LRRC31: variants seen among roughly 807,000 people sequenced by gnomAD.
LRRC31 encodes leucine rich repeat containing 31, also known as leucine-rich repeat-containing protein 31.
A neutral mutation model predicts 46.7 loss-of-function variants in LRRC31; 35 were observed. The observed-to-expected ratio is 0.75, with a 90% CI of 0.57 to 0.99. The LOEUF is 0.99. Ranked by LOEUF, LRRC31 falls within the 50% of genes least tolerant of loss-of-function variation. The pLI is 0.00. For missense variants in LRRC31, 613 were observed against 626.1 expected (o/e 0.98, Z 0.22); for synonymous variants, 236 against 235.1 (o/e 1.00, Z -0.03).
intron 2 of LRRC31, 96 bp downstream of exon 2, chr3:169,861,574 C>T: frequency 7.8e-7 from 1 of 1,282,706 alleles, no homozygotes; most frequent in South Asian, 1.4e-5. Context: ...ACTCAGCAGA[C>T]TTGGGGTTAC....
chr3:169,849,153 T>C, intron 7 of LRRC31, among the ~76,000 whole-genome samples: 1 of 152,220 alleles, frequency 6.6e-6, no homozygotes, highest in East Asian at 1.9e-4. Flanking sequence ...CCCAAGTTAA[T>C]TGCACTTTAA....
At chr3:169,864,273 C>A (rs1781261632) in intron 1 of LRRC31, among the ~76,000 whole-genome samples, 1 of 152,300 alleles carries the variant, frequency 6.6e-6, no homozygotes, top group Non-Finnish European at 1.5e-5. Context: ...CCTCTACCTT[C>A]TGGTTGCTAC....
intron 6 of LRRC31, among the ~76,000 whole-genome samples, chr3:169,853,948 C>T (rs941708422): frequency 3.3e-5 from 5 of 152,212 alleles, no homozygotes; most frequent in Admixed American, 1.3e-4. Flanking sequence ...AGATGCCAAA[C>T]GAGACACCTC....
At chr3:169,844,980 T>C (rs1162974327) in intron 8 of LRRC31, among the ~76,000 whole-genome samples, 2 of 150,718 alleles carry the variant, frequency 1.3e-5, no homozygotes, top group East Asian at 1.9e-4. Flanking sequence ...TCATAGATGA[T>C]ATGATTATCT....
intron 1 of LRRC31, among the ~76,000 whole-genome samples, chr3:169,867,152 G>A (rs1039696448): frequency 4.7e-5 from 7 of 148,534 alleles, no homozygotes; most frequent in Non-Finnish European, 7.4e-5. Context: ...TAAAATTCAA[G>A]CGATCCTCCC....
chr3:169,863,371 C>A (rs900188406), intron 1 of LRRC31, among the ~76,000 whole-genome samples: 3 of 152,074 alleles, frequency 2.0e-5, no homozygotes, highest in South Asian at 2.1e-4. Flanking sequence ...ATTTTATTAA[C>A]CCTGACAAAA....
chr3:169,856,641 C>T, intron 4 of LRRC31, 64 bp downstream of exon 4: 1 of 1,477,726 alleles, frequency 6.8e-7, no homozygotes, highest in Non-Finnish European at 9.0e-7. Flanking sequence ...CAAAACACAG[C>T]AAACTTCCCA....
chr3:169,852,660 G>T (rs1259229630), intron 6 of LRRC31, among the ~76,000 whole-genome samples: 1 of 152,132 alleles, frequency 6.6e-6, no homozygotes, highest in African/African-American at 2.4e-5. Context: ...AATTACCCTC[G>T]TTCGCTATCT....
intron 8 of LRRC31, 118 bp from the exon 9 acceptor site, chr3:169,840,431 G>T (rs1780413214): frequency 1.8e-6 from 2 of 1,092,180 alleles, no homozygotes; most frequent in Admixed American, 2.0e-5. Context: ...AATTAGTAAT[G>T]ATTTGTTATT....
chr3:169,845,679 A>T (rs1780583569), intron 8 of LRRC31, among the ~76,000 whole-genome samples: 1 of 152,208 alleles, frequency 6.6e-6, no homozygotes, highest in South Asian at 2.1e-4. Flanking sequence ...CTCTACCCAT[A>T]CCTCATACCT....
chr3:169,863,449 G>T (rs1781234662), intron 1 of LRRC31, among the ~76,000 whole-genome samples: 1 of 152,152 alleles, frequency 6.6e-6, no homozygotes, highest in African/African-American at 2.4e-5. Context: ...TAGTAGGTTT[G>T]CAGTAGTAAT....
In LRRC31 at chr3:169,861,685, C is replaced by G. The variant is rs758584648; in HGVS notation, c.304G>C (p.Asp102His). Residue 102 changes from aspartate (D) to histidine (H), a missense_variant, in exon 2 of 9, where the codon GAC (aspartate) becomes CAC (histidine). Physicochemically the swap from Asp to His is moderately conservative, Grantham distance 81. Coordinates refer to ENST00000316428, the MANE Select transcript of LRRC31 (RefSeq NM_024727.4). The part of the protein sequence containing the change: ...DLNNCGLTTA[D>H]MKEMVALLPF... The stretch of plus-strand genomic sequence containing the variant: ...GCATACAGACCCATTTCTTTCATGT[C>G]CGCTGTTGTTAATCCACAGTTATTC... 1 of 1,614,060 alleles carries G rather than the reference C, an allele frequency of 6.2e-7. No individual in the cohort carries two copies. The highest frequency in any genetic ancestry group is 8.5e-7 in the Non-Finnish European group (1 of 1,180,020).
intron 6 of LRRC31, chr3:169,853,712 C>T: frequency 2.1e-5 from 21 of 984,596 alleles, no homozygotes; most frequent in Non-Finnish European, 2.5e-5. Flanking sequence ...TTCCCATTTT[C>T]CCAAATTGAG....
chr3:169,864,548 T>C (rs1387205208), intron 1 of LRRC31, among the ~76,000 whole-genome samples: 1 of 152,224 alleles, frequency 6.6e-6, no homozygotes, highest in Non-Finnish European at 1.5e-5. Context: ...TTAAACTTAC[T>C]GGAACCTCCT....
At chr3:169,868,080 G>T (rs1781384687) in intron 1 of LRRC31, among the ~76,000 whole-genome samples, 1 of 152,204 alleles carries the variant, frequency 6.6e-6, no homozygotes, top group African/African-American at 2.4e-5. Flanking sequence ...TAGGATCACA[G>T]CTCCACATAA....
chr3:169,858,791 G>A (rs2108219917), intron 3 of LRRC31, among the ~76,000 whole-genome samples: 1 of 152,166 alleles, frequency 6.6e-6, no homozygotes, highest in South Asian at 2.1e-4. Flanking sequence ...ATCACTTGAA[G>A]TCAGGAGTTC....
At position 169,840,327 on chromosome 3, in the gene LRRC31, T is replaced by C; in HGVS notation, c.1328-14A>G. On this transcript the variant is annotated splice_polypyrimidine_tract_variant and intron_variant, in intron 8 of 8. Transcript: ENST00000316428. The stretch of plus-strand genomic sequence containing the variant: ...GTATGACCGATGCTGGAAAACAGAA[T>C]CACTCTAAATGCTAACATACAAGAA... The C allele has an allele frequency of 3.1e-6, 5 of 1,613,530 alleles. No individual in the cohort carries two copies. The highest frequency in any genetic ancestry group is 4.2e-6 in the Non-Finnish European group (5 of 1,179,608).
At chr3:169,867,154 G>A (rs894056743) in intron 1 of LRRC31, among the ~76,000 whole-genome samples, 21 of 148,348 alleles carry the variant, frequency 1.4e-4, no homozygotes, top group Admixed American at 1.3e-3. Context: ...AAATTCAAGC[G>A]ATCCTCCCAC....
At chr3:169,864,506 A>T (rs572501765) in intron 1 of LRRC31, among the ~76,000 whole-genome samples, 14 of 152,318 alleles carry the variant, frequency 9.2e-5, no homozygotes, top group Non-Finnish European at 1.8e-4. Flanking sequence ...CATCTATGAA[A>T]TGCCTGGTTC....
Sources: allele counts gnomAD v4.1 joint callset (sites outside exome capture counted in the v4.1 genomes callset), GRCh38; gene constraint gnomAD v4.1.1; transcripts MANE v1.5; gene names NCBI Gene and HGNC (gene_info 2026-07-23, HGNC 2026-07-21).